SLC18A2: variants seen among roughly 807,000 people sequenced by gnomAD.
SLC18A2 encodes solute carrier family 18 member A2.
A neutral mutation model predicts 59.2 loss-of-function variants in SLC18A2; 33 were observed. That is an observed-to-expected ratio of 0.56 (90% CI 0.42 to 0.75). The LOEUF is 0.75. Ranked by LOEUF, SLC18A2 falls within the 30% of genes least tolerant of loss-of-function variation. The probability of loss-of-function intolerance (pLI) is 0.00; values close to 1 mark genes in which losing one functional copy is unlikely to be tolerated. For missense variants in SLC18A2, 569 were observed against 668.6 expected, an observed-to-expected ratio of 0.85 and a Z score of 1.64; for synonymous variants, 228 against 253.5, an observed-to-expected ratio of 0.90 and a Z score of 0.95.
intron 9 of SLC18A2, among the ~76,000 whole-genome samples, chr10:117,257,103 C>T (rs1470619279): frequency 3.3e-5 from 5 of 152,288 alleles, no homozygotes; most frequent in African/African-American, 4.8e-5. Context: ...ACCTTCATCA[C>T]GATTGCACAA....
At chr10:117,259,544 G>A (rs1589981777) in intron 10 of SLC18A2, among the ~76,000 whole-genome samples, 1 of 152,182 alleles carries the variant, frequency 6.6e-6, no homozygotes, top group South Asian at 2.1e-4. Context: ...TGCGTGGCAG[G>A]TAAAGGTCTC....
At chr10:117,254,365 C>G (rs184073339) in intron 5 of SLC18A2, 40 bp from the exon 6 acceptor site, 24 of 1,505,712 alleles carry the variant, frequency 1.6e-5, no homozygotes, top group East Asian at 6.8e-5. Context: ...TTTTGCTGTT[C>G]CCCGGAGCTG....
chr10:117,245,620 C>A (rs573550782), intron 3 of SLC18A2, among the ~76,000 whole-genome samples: 1 of 148,360 alleles, frequency 6.7e-6, no homozygotes, highest in South Asian at 2.2e-4. Context: ...AATGTGTGCC[C>A]CACATTCAAA....
chr10:117,256,996 AGCCAAGTG>A (rs1396124814), intron 9 of SLC18A2, among the ~76,000 whole-genome samples: 1 of 152,194 alleles, frequency 6.6e-6, no homozygotes, highest in Non-Finnish European at 1.5e-5. Flanking sequence ...GGGAGTTGAG[AGCCAAGTG>A]GCTGTCCACT....
At chr10:117,275,222 G>A (rs1199783987) in intron 15 of SLC18A2, among the ~76,000 whole-genome samples, 1 of 152,184 alleles carries the variant, frequency 6.6e-6, no homozygotes, top group African/African-American at 2.4e-5. Flanking sequence ...ATAAAAAACA[G>A]TTAAGTTAGA....
intron 10 of SLC18A2, among the ~76,000 whole-genome samples, chr10:117,261,578 C>T (rs1468907757): frequency 6.6e-6 from 1 of 152,200 alleles, no homozygotes; most frequent in East Asian, 1.9e-4. Flanking sequence ...ACCTTATTCT[C>T]TCACAGGCAT....
chr10:117,255,154 C>A, intron 6 of SLC18A2, 123 bp from the exon 7 acceptor site: 2 of 864,504 alleles, frequency 2.3e-6, no homozygotes, highest in Non-Finnish European at 3.7e-6. Flanking sequence ...AACAATAGGG[C>A]AGCCACCCCA....
At chr10:117,265,443 C>T (rs61872386) in intron 10 of SLC18A2, among the ~76,000 whole-genome samples, 1,534 of 152,194 alleles carry the variant, frequency 0.01, 11 homozygotes, top group Non-Finnish European at 0.014. Flanking sequence ...TTATGCAGTC[C>T]TCTGATTGAG....
At chr10:117,266,863 CA>C (rs753460072) in intron 11 of SLC18A2, 52 bp downstream of exon 11, 10 of 1,572,458 alleles carry the variant, frequency 6.4e-6, no homozygotes, top group Non-Finnish European at 8.7e-6. Context: ...GTAGTTCTTT[CA>C]AAAAATTCTA....
chr10:117,242,263 T>C (rs1212634090), intron 2 of SLC18A2, among the ~76,000 whole-genome samples: 1 of 152,226 alleles, frequency 6.6e-6, no homozygotes, highest in African/African-American at 2.4e-5. Flanking sequence ...CATTTAGATA[T>C]ACTGTATTAG....
chr10:117,268,971 CACAA>C (rs1844384636), intron 13 of SLC18A2, among the ~76,000 whole-genome samples: 7 of 100,916 alleles, frequency 6.9e-5, no homozygotes, highest in Non-Finnish European at 1.4e-4. Context: ...CACACTCATA[CACAA>C]ACACACACAT....
At chr10:117,250,954 C>T (rs363341) in intron 3 of SLC18A2, among the ~76,000 whole-genome samples, 46,954 of 152,020 alleles carry the variant, frequency 0.31, 8,042 homozygotes, top group East Asian at 0.65. Context: ...ACAAGGGTTG[C>T]CACATTTTAT....
At chr10:117,263,502 T>C (rs988136260) in intron 10 of SLC18A2, among the ~76,000 whole-genome samples, 8 of 152,214 alleles carry the variant, frequency 5.3e-5, no homozygotes, top group Admixed American at 2.6e-4. Flanking sequence ...TTTGGCCACA[T>C]TTTTTAGGGG....
intron 3 of SLC18A2, among the ~76,000 whole-genome samples, chr10:117,251,049 C>T (rs1302787739): frequency 6.6e-6 from 1 of 152,158 alleles, no homozygotes; most frequent in Non-Finnish European, 1.5e-5. Context: ...CAGGGATGTC[C>T]CTGCAGCCTG....
At position 117,271,601 on chromosome 10, in the gene SLC18A2, A is replaced by C. The variant is rs563186914; in HGVS notation, c.1440+1138A>C. ...GAGTAATGCATGGCCCGTCTGACTC[A>C]TGGAAAAGGTATGGAAGGTGCTGTG... On this transcript the variant is annotated intron_variant, in intron 15 of 15. Coordinates refer to ENST00000644641, the MANE Select transcript of SLC18A2 (RefSeq NM_003054.6). 2.0e-4 allele frequency among the ~76,000 whole-genome samples: 30 copies of C among 152,272 alleles called. 2 individuals carry two copies. In the East Asian group the frequency reaches 3.9e-3, roughly 20 times the overall value.
chr10:117,243,967 C>G lies in SLC18A2; in HGVS notation c.122-4C>G. The G allele has an allele frequency of 6.2e-7, 1 of 1,609,704 alleles. No homozygotes were observed. The highest frequency in any genetic ancestry group is 1.1e-5 in the South Asian group (1 of 90,582). ...CCACCTTGCCATTCTGCTCTTATCC[C>G]CAGTCCCCATCATCCCAAGTTATCT... On this transcript the variant is annotated splice_region_variant and splice_polypyrimidine_tract_variant and intron_variant, in intron 2 of 15. Coordinates refer to ENST00000644641, the MANE Select transcript of SLC18A2 (RefSeq NM_003054.6).
chr10:117,242,187 G>C (rs1844064071), intron 2 of SLC18A2, among the ~76,000 whole-genome samples: 1 of 152,184 alleles, frequency 6.6e-6, no homozygotes, highest in Admixed American at 6.5e-5. Flanking sequence ...TACTCGAAAA[G>C]GCAGGTTAGT....
Position 117,275,545 on chromosome 10 carries a change from T to A in SLC18A2, c.1441-1617T>A, listed in dbSNP as rs545147383. Among the ~76,000 whole-genome samples the A allele has an allele frequency of 4.6e-5, 7 of 152,310 alleles. No homozygotes were observed. The East Asian group carries it at 1.2e-3, about 25-fold the overall frequency. Reference sequence around the variant, plus strand: ...AGTTGCACATGACGCCCCCTTGCCATCCTCTGTGCTCATCTAACTACCACG... The same window carrying A: ...AGTTGCACATGACGCCCCCTTGCCAACCTCTGTGCTCATCTAACTACCACG... On this transcript the variant is annotated intron_variant, in intron 15 of 15. Coordinates refer to ENST00000644641, the MANE Select transcript of SLC18A2 (RefSeq NM_003054.6).
chr10:117,246,382 G>C (rs968993592), intron 3 of SLC18A2, among the ~76,000 whole-genome samples: 11 of 152,168 alleles, frequency 7.2e-5, no homozygotes, highest in Admixed American at 5.9e-4. Context: ...ATGCCATGGG[G>C]AAGAGGCTTG....
Sources: gnomAD v4.1 joint callset for allele counts (sites outside exome capture counted in the v4.1 genomes callset) on GRCh38, gnomAD v4.1.1 for gene constraint, MANE v1.5 for transcripts, NCBI Gene and HGNC (gene_info 2026-07-23, HGNC 2026-07-21) for gene names.